Variants in MAGI2 observed in about 807,000 individuals in gnomAD.
The protein encoded by MAGI2 is membrane associated guanylate kinase, WW and PDZ domain containing 2, also known as membrane-associated guanylate kinase, WW and PDZ domain-containing protein 2.
MAGI2 carries 35 observed loss-of-function variants against 133.3 expected under a neutral mutation model. The ratio of observed to expected loss-of-function variants is 0.26; its 90% CI spans 0.20 to 0.35. The LOEUF (loss-of-function observed/expected upper bound fraction) is 0.35, where lower values mean the gene tolerates loss of function less well. Ranked by LOEUF, MAGI2 falls within the 10% of genes least tolerant of loss-of-function variation. The pLI is 1.00. For missense variants in MAGI2, 1,636 were observed against 1,863.4 expected, an observed-to-expected ratio of 0.88 and a Z score of 2.25; for synonymous variants, 729 against 710.6, an observed-to-expected ratio of 1.03 and a Z score of -0.41.
chr7:78,460,490 G>GAGAT (rs138086245), intron 6 of MAGI2, among the ~76,000 whole-genome samples: 3,343 of 152,278 alleles, frequency 0.022, 52 homozygotes, highest in Non-Finnish European at 0.029. Flanking sequence ...ACACATGTCA[G>GAGAT]AGATAGATGA....
intron 1 of MAGI2, among the ~76,000 whole-genome samples, chr7:79,273,625 AG>A (rs1226384659): frequency 6.6e-6 from 1 of 150,738 alleles, no homozygotes; most frequent in Admixed American, 6.7e-5. Flanking sequence ...TTTTCTTCAG[AG>A]TAAATACACT....
chr7:79,039,721 T>G (rs1811444193), intron 1 of MAGI2, among the ~76,000 whole-genome samples: 1 of 151,446 alleles, frequency 6.6e-6, no homozygotes, highest in South Asian at 2.1e-4. Flanking sequence ...GTGGCTCACA[T>G]CTGTAATCCG....
At chr7:78,226,070 C>T (rs1245740680) in intron 10 of MAGI2, among the ~76,000 whole-genome samples, 1 of 151,744 alleles carries the variant, frequency 6.6e-6, no homozygotes, top group Non-Finnish European at 1.5e-5. Context: ...AAATATAAGC[C>T]CCTGTTTTAA....
intron 3 of MAGI2, among the ~76,000 whole-genome samples, chr7:78,562,925 C>T (rs1450321601): frequency 2.0e-5 from 3 of 151,678 alleles, no homozygotes; most frequent in Non-Finnish European, 4.4e-5. Context: ...CTTGAAGGCC[C>T]CATAATTATG....
chr7:78,255,515 T>C (rs758804903), intron 10 of MAGI2: 6 of 324,894 alleles, frequency 1.8e-5, no homozygotes, highest in Non-Finnish European at 3.4e-5. Context: ...GGGGTTGAAC[T>C]GGCTTCCACC....
intron 1 of MAGI2, among the ~76,000 whole-genome samples, chr7:79,300,069 A>AT (rs199598552): frequency 2.0e-5 from 3 of 151,890 alleles, no homozygotes; most frequent in Non-Finnish European, 2.9e-5. Flanking sequence ...AGTGTCAGGT[A>AT]TTTTTTTTAG....
chr7:78,357,677 AT>A (rs1792230994), intron 7 of MAGI2, among the ~76,000 whole-genome samples: 1 of 152,180 alleles, frequency 6.6e-6, no homozygotes, highest in Non-Finnish European at 1.5e-5. Flanking sequence ...GCTTTCAGAG[AT>A]TTGTTACCTT....
chr7:78,320,460 G>T (rs894366933), intron 9 of MAGI2, among the ~76,000 whole-genome samples: 8 of 152,120 alleles, frequency 5.3e-5, no homozygotes, highest in African/African-American at 1.9e-4. Context: ...ATGCAAGACT[G>T]GTTCAACATT....
chr7:78,249,626 T>A (rs898378076), intron 10 of MAGI2, among the ~76,000 whole-genome samples: 1 of 151,980 alleles, frequency 6.6e-6, no homozygotes, highest in South Asian at 2.1e-4. Flanking sequence ...TACTGCACGA[T>A]CTCACTTATA....
intron 1 of MAGI2, among the ~76,000 whole-genome samples, chr7:79,136,016 A>G (rs183613189): frequency 2.3e-4 from 28 of 119,644 alleles, no homozygotes; most frequent in Middle Eastern, 4.0e-3. Flanking sequence ...AAAGAAAGAA[A>G]GAAAGAAAGA....
At chr7:78,982,443 A>G (rs542527333) in intron 2 of MAGI2, among the ~76,000 whole-genome samples, 17 of 152,012 alleles carry the variant, frequency 1.1e-4, no homozygotes, top group African/African-American at 4.1e-4. Flanking sequence ...GTAAGCACTC[A>G]TTTGATGTTA....
chr7:78,963,269 T>C (rs1803013346), intron 2 of MAGI2, among the ~76,000 whole-genome samples: 1 of 152,096 alleles, frequency 6.6e-6, no homozygotes, highest in South Asian at 2.1e-4. Flanking sequence ...TTAAGAAAAG[T>C]TTACAGACCT....
chr7:78,528,362 G>T lies in MAGI2; in HGVS notation c.539-6717C>A, dbSNP rs142736970. ...TCATTTTATACACATCAGAGATTTA[G>T]ATGTATATTAATAGAAATGGATAAA... On this transcript the variant is annotated intron_variant, in intron 3 of 21. Transcript: ENST00000354212. Among the ~76,000 whole-genome samples, 221 of 152,196 alleles carry T rather than the reference G, an allele frequency of 1.5e-3. 1 individual carries two copies. Among genetic ancestry groups the T allele is most frequent in the African/African-American group, 5.0e-3 (206 of 41,520 alleles).
chr7:78,463,932 G>T (rs550350419), intron 6 of MAGI2, among the ~76,000 whole-genome samples: 27 of 152,228 alleles, frequency 1.8e-4, no homozygotes, highest in African/African-American at 6.3e-4. Flanking sequence ...GGGCAGGCAG[G>T]CAGGTAGCAA....
chr7:78,704,727 C>CAA (rs1172959942), intron 2 of MAGI2, among the ~76,000 whole-genome samples: 1 of 148,838 alleles, frequency 6.7e-6, no homozygotes, highest in Non-Finnish European at 1.5e-5. Context: ...CCATGAAAAA[C>CAA]AAGAAGATCA....
chr7:79,112,240 A>G (rs1818993940), intron 1 of MAGI2, among the ~76,000 whole-genome samples: 1 of 152,132 alleles, frequency 6.6e-6, no homozygotes, highest in Non-Finnish European at 1.5e-5. Flanking sequence ...AAATCTCATC[A>G]GCACAGCAAT....
rs528215482 is a variant in MAGI2, at chr7:78,896,526, G to GATAT, written c.418+110560_418+110563dup. On this transcript the variant is annotated intron_variant, in intron 2 of 21. Transcript: ENST00000354212. ...TTGAGGAAACCTATCCTCTAAATGG[G>GATAT]ATATATATATATAATATAATATATA... Among the ~76,000 whole-genome samples the GATAT allele has an allele frequency of 2.4e-3, 353 of 147,522 alleles. 2 individuals carry two copies. Among genetic ancestry groups the GATAT allele is most frequent in the African/African-American group, 8.5e-3 (345 of 40,598 alleles).
intron 21 of MAGI2, among the ~76,000 whole-genome samples, chr7:78,041,371 C>T (rs1300796949): frequency 1.3e-5 from 2 of 152,182 alleles, no homozygotes; most frequent in Non-Finnish European, 2.9e-5. Flanking sequence ...GCTGCTCTCT[C>T]AGGCTCCTAT....
intron 2 of MAGI2, among the ~76,000 whole-genome samples, chr7:78,655,980 CA>C (rs774125665): frequency 1.2e-3 from 73 of 60,964 alleles, no homozygotes; most frequent in Non-Finnish European, 1.3e-3. Context: ...GACTCCGTCT[CA>C]AAAAAAAAAA....
Sources: gnomAD v4.1 joint callset for allele counts (sites outside exome capture counted in the v4.1 genomes callset) on GRCh38, gnomAD v4.1.1 for gene constraint, MANE v1.5 for transcripts, NCBI Gene and HGNC (gene_info 2026-07-23, HGNC 2026-07-21) for gene names.